The following PCDHGA7 variants were observed in gnomAD, a reference collection of about 807,000 sequenced individuals.
PCDHGA7 encodes the protein protocadherin gamma subfamily A, 7.
In PCDHGA7, 44 loss-of-function variants were observed where a neutral mutation model predicts 58.3. The observed-to-expected ratio is 0.75, with a 90% CI of 0.59 to 0.97. The LOEUF (loss-of-function observed/expected upper bound fraction) is 0.97. Among genes scored for constraint, PCDHGA7 ranks in the 50% least tolerant of loss-of-function variants. PCDHGA7 has a pLI of 0.00. For synonymous variants in PCDHGA7, 516 were observed against 504.2 expected (o/e 1.02, Z -0.31); for missense variants, 1,266 against 1,188.7 (o/e 1.06, Z -0.96).
chr5:141,389,850 GC>G (rs757946267), intron 1 of PCDHGA7: 1 of 1,614,070 alleles, frequency 6.2e-7, no homozygotes, highest in Non-Finnish European at 8.5e-7. Context: ...CTCGGCCACT[GC>G]CACGTTGCAC....
chr5:141,432,946 A>G lies in PCDHGA7; in HGVS notation c.2424+47623A>G. 2 of 1,614,130 alleles carry G rather than the reference A, an allele frequency of 1.2e-6. No individual in the cohort carries two copies. The highest frequency in any genetic ancestry group is 1.1e-5 in the South Asian group (1 of 91,080). ...AGTCACGCCTGCTGCAGGCTTCAGG[A>G]GGCGGCTTGACAGGAGCGCCGGCGT... is the stretch of plus-strand genomic sequence containing the variant. On this transcript the variant is annotated intron_variant, in intron 1 of 3. Coordinates refer to ENST00000518325, the MANE Select transcript of PCDHGA7 (RefSeq NM_018920.4). This position sits in a 1 kb window ranked among gnomAD's most constrained non-coding sequence, Gnocchi z 6.0.
chr5:141,478,604 T>C (rs1425759709), intron 1 of PCDHGA7: 2 of 1,562,580 alleles, frequency 1.3e-6, no homozygotes, highest in South Asian at 2.3e-5. Context: ...CTACATCATA[T>C]TGAGGAAGGA....
Position 141,425,635 on chromosome 5 carries a change from T to C in PCDHGA7, c.2424+40312T>C, listed in dbSNP as rs376675545. On this transcript the variant is annotated intron_variant, in intron 1 of 3. Coordinates refer to ENST00000518325, the MANE Select transcript of PCDHGA7 (RefSeq NM_018920.4). ...TCAGTGCTCCTCCAGTTTTCTCTGA[T>C]AAAACTAGGAGGAAAATTATCTGCA... Among the ~76,000 whole-genome samples, 51 of 152,354 alleles carry C rather than the reference T, an allele frequency of 3.3e-4. 1 individual carries two copies. The South Asian group carries it at 0.01, about 30-fold the overall frequency.
intron 1 of PCDHGA7, chr5:141,399,995 G>T (rs1042095164): frequency 1.9e-6 from 3 of 1,612,094 alleles, no homozygotes; most frequent in Non-Finnish European, 2.5e-6. Context: ...GGAGAGGTGC[G>T]CACAGCGCGT....
chr5:141,427,646 C>A, intron 1 of PCDHGA7: 1 of 715,440 alleles, frequency 1.4e-6, no homozygotes, highest in East Asian at 2.7e-5. Context: ...ACCAAGTCTC[C>A]TACGTGGTCC....
Position 141,417,931 on chromosome 5 carries a change from G to C in PCDHGA7, c.2424+32608G>C, listed in dbSNP as rs551432799. The C allele has an allele frequency of 6.2e-6, 10 of 1,611,500 alleles. No homozygotes were observed. In the South Asian group the frequency reaches 9.9e-5, roughly 16 times the overall value. On this transcript the variant is annotated intron_variant, in intron 1 of 3. Transcript: ENST00000518325. ...TACTATTTCCTTTGCTGCTGCCTTT[G>C]TTCTACCCCACGCTGTGTGAGCCGA...
chr5:141,385,096 G>C lies in PCDHGA7; in HGVS notation c.2197G>C (p.Ala733Pro), dbSNP rs746092295. ...RLLQASEGGL[A>P]NVPTSHFVGM... ...GCTGCAGGCTTCAGAAGGTGGCTTGGCGAACGTGCCCACCTCGCACTTTGT... is the reference window on the plus strand; with the variant it reads ...GCTGCAGGCTTCAGAAGGTGGCTTGCCGAACGTGCCCACCTCGCACTTTGT... The change falls in exon 1 of 4, where the codon GCG becomes CCG. Residue 733 changes from alanine (A) to proline (P), a missense_variant. Physicochemically the swap from Ala to Pro is conservative, Grantham distance 27 (BLOSUM62 -1). Coordinates refer to ENST00000518325, the MANE Select transcript of PCDHGA7 (RefSeq NM_018920.4). The C allele has an allele frequency of 1.2e-6, 2 of 1,614,072 alleles. No homozygotes were observed. Among genetic ancestry groups the C allele is most frequent in the South Asian group, 2.2e-5 (2 of 91,094 alleles).
chr5:141,389,799 C>T (rs763321545), intron 1 of PCDHGA7: 2 of 1,613,678 alleles, frequency 1.2e-6, no homozygotes, highest in Non-Finnish European at 1.7e-6. Context: ...CGTCCGCCAG[C>T]GCCTTCTGGT....
At chr5:141,436,394 T>C (rs781428769) in intron 1 of PCDHGA7, among the ~76,000 whole-genome samples, 15 of 152,216 alleles carry the variant, frequency 9.9e-5, no homozygotes, top group Non-Finnish European at 1.9e-4. Flanking sequence ...CTTTATTAAA[T>C]AGTTGTTGAA....
chr5:141,450,251 C>T (rs2154563018), intron 1 of PCDHGA7, among the ~76,000 whole-genome samples: 1 of 152,200 alleles, frequency 6.6e-6, no homozygotes. Context: ...CTCCTGACCT[C>T]AAGTGATCTG....
chr5:141,389,785 A>ACGCCGTCCGCCAGCGCCTTCTGGT (rs780757695), intron 1 of PCDHGA7: 1 of 1,613,332 alleles, frequency 6.2e-7, no homozygotes, highest in South Asian at 1.1e-5. Flanking sequence ...GGCGACAGGG[A>ACGCCGTCCGCCAGCGCCTTCTGGT]CGCCGTCCGC....
chr5:141,423,594 C>A, intron 1 of PCDHGA7: 1 of 1,599,308 alleles, frequency 6.3e-7, no homozygotes, highest in South Asian at 1.1e-5. Context: ...GTGAGAAAAG[C>A]GAGCCACTCT....
chr5:141,404,796 G>T, intron 1 of PCDHGA7: 1 of 1,613,970 alleles, frequency 6.2e-7, no homozygotes, highest in Non-Finnish European at 8.5e-7. Flanking sequence ...AGTGAGCCAG[G>T]GCTCTTCTCG....
rs1002764667 is a variant in PCDHGA7, at chr5:141,468,260, G to A, written c.2425-26547G>A. 4.0e-5 allele frequency among the ~76,000 whole-genome samples: 6 copies of A among 150,102 alleles called. No homozygotes were observed. The East Asian group carries it at 1.2e-3, about 30-fold the overall frequency. ...GAATTGCCTGAACCTGGGAGGCAGA[G>A]GTTGTGGTGAGCCGAGACCACGCCA... On this transcript the variant is annotated intron_variant, in intron 1 of 3. Coordinates refer to ENST00000518325, the MANE Select transcript of PCDHGA7 (RefSeq NM_018920.4).
chr5:141,435,781 C>T (rs3828680), intron 1 of PCDHGA7, among the ~76,000 whole-genome samples: 81,882 of 151,942 alleles, frequency 0.54, 24,120 homozygotes, highest in African/African-American at 0.79. Flanking sequence ...TGTAAAGGTG[C>T]AGGGAAACAT....
chr5:141,415,130 A>G (rs2095833213), intron 1 of PCDHGA7: 3 of 1,613,636 alleles, frequency 1.9e-6, no homozygotes, highest in South Asian at 1.1e-5. Flanking sequence ...GCCGTCCAGG[A>G]CCACGGCCAG....
chr5:141,480,137 A>G (rs1183663599), intron 1 of PCDHGA7, among the ~76,000 whole-genome samples: 2 of 152,096 alleles, frequency 1.3e-5, no homozygotes, highest in Non-Finnish European at 2.9e-5. Context: ...CTGTTAAACA[A>G]TTATTAGCCA....
intron 1 of PCDHGA7, chr5:141,427,900 C>T (rs1351712272): frequency 2.5e-6 from 4 of 1,571,732 alleles, no homozygotes; most frequent in Non-Finnish European, 3.5e-6. Flanking sequence ...GGCTCGCCCG[C>T]GCTCAGCGCC....
In PCDHGA7 at chr5:141,431,739, A is replaced by G; in HGVS notation, c.2424+46416A>G. 3.1e-6 allele frequency: 5 copies of G among 1,614,240 alleles called. No homozygotes were observed. Among genetic ancestry groups the G allele is most frequent in the Non-Finnish European group, 3.4e-6 (4 of 1,180,048 alleles). Reference sequence around the variant, plus strand: ...GTGCAAGCAATGGATAATGCAGGATATTCTGCGCGAGCCAAAGTCCTGATC... The same window carrying G: ...GTGCAAGCAATGGATAATGCAGGATGTTCTGCGCGAGCCAAAGTCCTGATC... On this transcript the variant is annotated intron_variant, in intron 1 of 3. Transcript: ENST00000518325. The surrounding 1 kb of genome is among the most constrained non-coding windows in gnomAD (Gnocchi z 4.8).
Sources: allele counts gnomAD v4.1 joint callset (sites outside exome capture counted in the v4.1 genomes callset), GRCh38; gene constraint gnomAD v4.1.1; non-coding constraint Gnocchi (gnomAD v3.1); transcripts MANE v1.5; gene names NCBI Gene and HGNC (gene_info 2026-07-23, HGNC 2026-07-21).